LRFN2: variants seen among roughly 807,000 people sequenced by gnomAD.
LRFN2 encodes the protein leucine-rich repeat and fibronectin type-III domain-containing protein 2.
A neutral mutation model predicts 37.3 loss-of-function variants in LRFN2; 18 were observed. That is an observed-to-expected ratio of 0.48 (90% CI 0.33 to 0.72). LRFN2 has a LOEUF of 0.72. LRFN2 is among the 30% of genes least tolerant of loss of function. The pLI, the probability that LRFN2 is intolerant of heterozygous loss-of-function variation, is 0.02. For missense variants in LRFN2, 1,006 were observed against 1,060.7 expected, an observed-to-expected ratio of 0.95 and a Z score of 0.72; for synonymous variants, 556 against 466.6, an observed-to-expected ratio of 1.19 and a Z score of -2.47.
At chr6:40,435,048 TATATAGAGAGAGAGAGAG>T (rs1339229533) in intron 1 of LRFN2, among the ~76,000 whole-genome samples, 97 of 71,130 alleles carry the variant, frequency 1.4e-3, no homozygotes, top group African/African-American at 6.4e-3. Context: ...TATATATATA[TATATAGAGAGAGAGAGAG>T]AGAGAGAGAG....
intron 1 of LRFN2, among the ~76,000 whole-genome samples, chr6:40,528,856 G>T (rs1423870276): frequency 6.6e-6 from 1 of 152,142 alleles, no homozygotes; most frequent in African/African-American, 2.4e-5. Flanking sequence ...GGTCCCCATG[G>T]ATTCTCCAAG....
intron 1 of LRFN2, among the ~76,000 whole-genome samples, chr6:40,493,183 A>G (rs1581747250): frequency 6.6e-6 from 1 of 152,208 alleles, no homozygotes; most frequent in East Asian, 1.9e-4. Context: ...AAGGCTGGGT[A>G]TCAGGGATGG....
intron 1 of LRFN2, among the ~76,000 whole-genome samples, chr6:40,472,863 G>A (rs938284180): frequency 6.6e-6 from 1 of 152,134 alleles, no homozygotes; most frequent in African/African-American, 2.4e-5. Flanking sequence ...CAGTGAGTGT[G>A]TTTCTCCTTG....
chr6:40,393,906 C>A (rs189670724), intron 2 of LRFN2, among the ~76,000 whole-genome samples: 249 of 152,222 alleles, frequency 1.6e-3, no homozygotes, highest in African/African-American at 5.6e-3. Flanking sequence ...GAGAGGGAGT[C>A]TAAGCAGAAG....
intron 1 of LRFN2, among the ~76,000 whole-genome samples, chr6:40,577,096 T>TCTCTTCTCTTCTCTTCTCTTCTCTTC (rs1561913878): frequency 7.3e-6 from 1 of 137,598 alleles, no homozygotes. Context: ...TTCTTTTCTT[T>TCTCTTCTCTTCTCTTCTCTTCTCTTC]TCTTTTCCTT....
intron 1 of LRFN2, among the ~76,000 whole-genome samples, chr6:40,536,108 A>G (rs1194164394): frequency 6.6e-6 from 1 of 152,134 alleles, no homozygotes; most frequent in Non-Finnish European, 1.5e-5. Flanking sequence ...GCAGAGGCAG[A>G]GCAGGAGACC....
chr6:40,558,152 T>A (rs1766925373), intron 1 of LRFN2, among the ~76,000 whole-genome samples: 1 of 152,162 alleles, frequency 6.6e-6, no homozygotes, highest in Non-Finnish European at 1.5e-5. Context: ...ATGAGTAAGC[T>A]GAGGCCCCCA....
At chr6:40,441,872 G>C (rs750579417) in intron 1 of LRFN2, among the ~76,000 whole-genome samples, 2 of 152,258 alleles carry the variant, frequency 1.3e-5, no homozygotes, top group Non-Finnish European at 2.9e-5. Context: ...CTCAAGCAAG[G>C]CTCCAACCCT....
At chr6:40,498,056 G>A (rs1398514555) in intron 1 of LRFN2, among the ~76,000 whole-genome samples, 2 of 152,158 alleles carry the variant, frequency 1.3e-5, no homozygotes, top group Non-Finnish European at 2.9e-5. Context: ...GAAACTGGAG[G>A]AAAGTGGCAA....
chr6:40,537,250 G>A (rs137899524), intron 1 of LRFN2, among the ~76,000 whole-genome samples: 1 of 152,370 alleles, frequency 6.6e-6, no homozygotes, highest in East Asian at 1.9e-4. Context: ...CATGGGGGCA[G>A]GAACCCCAAT....
chr6:40,473,106 C>G (rs899965758), intron 1 of LRFN2, among the ~76,000 whole-genome samples: 1 of 152,140 alleles, frequency 6.6e-6, no homozygotes, highest in Non-Finnish European at 1.5e-5. Flanking sequence ...CTCCTCTTAC[C>G]TTCTTGCTCC....
At chr6:40,562,947 T>G (rs707973) in intron 1 of LRFN2, among the ~76,000 whole-genome samples, 89,573 of 151,518 alleles carry the variant, frequency 0.59, 26,959 homozygotes, top group African/African-American at 0.67. Flanking sequence ...GAATCTGAGG[T>G]AGGGGCTGGC....
chr6:40,438,036 C>G (rs886795380), intron 1 of LRFN2, among the ~76,000 whole-genome samples: 1 of 152,140 alleles, frequency 6.6e-6, no homozygotes, highest in Non-Finnish European at 1.5e-5. Context: ...AGAAGCGAGG[C>G]TGAAATGGAT....
chr6:40,440,873 A>G (rs887564001), intron 1 of LRFN2, among the ~76,000 whole-genome samples: 6 of 152,090 alleles, frequency 3.9e-5, no homozygotes, highest in African/African-American at 1.4e-4. Context: ...ATTTCCTGCA[A>G]TCATTACCCA....
chr6:40,475,770 A>G (rs75469439), intron 1 of LRFN2, among the ~76,000 whole-genome samples: 2,717 of 152,216 alleles, frequency 0.018, 41 homozygotes, highest in Non-Finnish European at 0.029. Context: ...CCAGGCTGAC[A>G]ATGCTCCTGG....
intron 1 of LRFN2, among the ~76,000 whole-genome samples, chr6:40,532,956 C>T (rs1766374748): frequency 6.6e-6 from 1 of 152,140 alleles, no homozygotes; most frequent in African/African-American, 2.4e-5. Context: ...GGGTCAAGTA[C>T]CAAGAAGTGA....
At chr6:40,472,505 CT>C (rs1290197112) in intron 1 of LRFN2, among the ~76,000 whole-genome samples, 1 of 152,208 alleles carries the variant, frequency 6.6e-6, no homozygotes, top group Admixed American at 6.5e-5. Context: ...CCTAATAAGC[CT>C]TCCCGGGCAT....
intron 2 of LRFN2, among the ~76,000 whole-genome samples, chr6:40,419,994 G>A (rs1487016019): frequency 1.3e-5 from 2 of 152,214 alleles, no homozygotes; most frequent in Non-Finnish European, 2.9e-5. Flanking sequence ...GTGTTTAACA[G>A]ATCTCTTCCA....
At chr6:40,409,184 A>T (rs1206209532) in intron 2 of LRFN2, among the ~76,000 whole-genome samples, 4 of 152,216 alleles carry the variant, frequency 2.6e-5, no homozygotes. Context: ...CAGTCATTTC[A>T]TGGAGGGGCA....
Sources: gnomAD v4.1 joint callset for allele counts (sites outside exome capture counted in the v4.1 genomes callset) on GRCh38, gnomAD v4.1.1 for gene constraint, MANE v1.5 for transcripts, NCBI Gene and HGNC (gene_info 2026-07-23, HGNC 2026-07-21) for gene names.